Variants in GPRIN2 observed in about 807,000 individuals in gnomAD.
GPRIN2 encodes G protein regulated inducer of neurite outgrowth 2.
A neutral mutation model predicts 0.3 loss-of-function variants in GPRIN2; 1 was observed. The observed-to-expected ratio is 3.90, with a 90% CI of 1.39 to 18.51. The LOEUF (loss-of-function observed/expected upper bound fraction) is 18.51. GPRIN2 is among the 30% of genes most tolerant of loss of function. The pLI is 0.11. For missense variants in GPRIN2, 880 were observed against 604.2 expected, an observed-to-expected ratio of 1.46 and a Z score of -4.79; for synonymous variants, 361 against 258.6, an observed-to-expected ratio of 1.40 and a Z score of -3.80.
rs1832299966 is a variant in GPRIN2 at position 46,550,628 on chromosome 10, G to C, written c.109C>G (p.Pro37Ala). Residue 37 changes from proline (P) to alanine (A), a missense_variant, in exon 3 of 3, where the codon CCA becomes GCA. By Grantham distance (27) the Pro-to-Ala change is conservative (BLOSUM62 -1). Coordinates refer to ENST00000374314, the MANE Select transcript of GPRIN2 (RefSeq NM_001385282.1). ...SLLGEGREQR[P>A]ELRKTASSTV... ...CTGCTGGCAGTCTTGCGGAGCTCTG[G>C]CCTCTGTTCCCGGCCTTCACCCAGC... 1 of 1,578,218 alleles carries C rather than the reference G, an allele frequency of 6.3e-7. No homozygotes were observed. The highest frequency in any genetic ancestry group is 2.3e-5 in the East Asian group (1 of 44,418).
rs1832400012 is a variant in GPRIN2 at position 46,550,345 on chromosome 10, C to T, written c.392G>A (p.Arg131Gln). Residue 131 changes from arginine to glutamine, a missense_variant, in exon 3 of 3, where the codon CGG (arginine) becomes CAG (glutamine). Physicochemically the swap from Arg to Gln is conservative, Grantham distance 43. Transcript: ENST00000374314. ...HSDLVRSTQM[R>Q]GHSGARKASL... The stretch of plus-strand genomic sequence containing the variant: ...GGCCTTCCGAGCACCACTGTGTCCC[C>T]GCATCTGGGTGCTACGGACCAGGTC... 1.6e-5 allele frequency: 25 copies of T among 1,612,812 alleles called. No homozygotes were observed. The highest frequency in any genetic ancestry group is 1.2e-4 in the South Asian group (11 of 91,052).
In GPRIN2 at chr10:46,544,696, T is replaced by C. The variant is rs1188992469; in HGVS notation, c.*4664A>G. 6.6e-6 allele frequency among the ~76,000 whole-genome samples: 1 copy of C among 152,306 alleles called. No individual in the cohort carries two copies. The highest frequency in any genetic ancestry group is 1.5e-5 in the Non-Finnish European group (1 of 68,056). On this transcript the variant is annotated 3_prime_UTR_variant, in exon 3 of 3. Coordinates refer to ENST00000374314, the MANE Select transcript of GPRIN2 (RefSeq NM_001385282.1). ...CCTATTAAACAGAAGTAGGTAAAAG[T>C]TGAGAAAGGGAAGTGGCCACCACAG...
In GPRIN2 at chr10:46,549,428, G is replaced by GC. The variant is rs1842444400; in HGVS notation, c.1308_1309insG (p.Leu437AlafsTer63). Reference sequence around the variant, plus strand: ...CGCAGGGACTGCATGACAGCCCGCAGTGGCCCCCTCCGGCCCTCCACAGAC... The same window carrying GC: ...CGCAGGGACTGCATGACAGCCCGCAGCTGGCCCCCTCCGGCCCTCCACAGAC... On this transcript the variant is annotated frameshift_variant, in exon 3 of 3. Coordinates refer to ENST00000374314, the MANE Select transcript of GPRIN2 (RefSeq NM_001385282.1). LOFTEE classifies it high-confidence loss of function. The GC allele has an allele frequency of 2.3e-5, 36 of 1,583,500 alleles. No individual in the cohort carries two copies. The South Asian group carries it at 3.8e-4, about 17-fold the overall frequency.
rs1841840342 is a variant in GPRIN2, at chr10:46,542,555, T to C, written c.*6805A>G. On this transcript the variant is annotated 3_prime_UTR_variant, in exon 3 of 3. Coordinates refer to ENST00000374314, the MANE Select transcript of GPRIN2 (RefSeq NM_001385282.1). ...TCTCCTTCGCTGTCTGCCATGATTG[T>C]AAGTTTCCTGAGGCTTCCTGTAAGT... Among the ~76,000 whole-genome samples, 1 of 152,302 alleles carries C rather than the reference T, an allele frequency of 6.6e-6. No homozygotes were observed. The highest frequency in any genetic ancestry group is 1.5e-5 in the Non-Finnish European group (1 of 68,056).
rs1842216620 is a variant in GPRIN2, at chr10:46,546,979, A to G, written c.*2381T>C. Among the ~76,000 whole-genome samples the G allele has an allele frequency of 1.3e-5, 2 of 152,312 alleles. No individual in the cohort carries two copies. Among genetic ancestry groups the G allele is most frequent in the Non-Finnish European group, 2.9e-5 (2 of 68,058 alleles). On this transcript the variant is annotated 3_prime_UTR_variant, in exon 3 of 3. Transcript: ENST00000374314. ...CAGCATGGAGGTAGCACAGAGTGGC[A>G]CCCAGCCAGCGTGAATGCATAAGAA...
chr10:46,550,136 G>C lies in GPRIN2; in HGVS notation c.601C>G (p.Leu201Val). ...ASQLSVPPLD[L>V]GDTTAHSSSA... is the part of the protein sequence containing the mutation. Reference sequence around the variant, plus strand: ...CTGCTGTGGGCAGTTGTGTCCCCCAGGTCTAGTGGTGGCACTGACAACTGA... The same window carrying C: ...CTGCTGTGGGCAGTTGTGTCCCCCACGTCTAGTGGTGGCACTGACAACTGA... Residue 201 changes from leucine to valine, a missense_variant, in exon 3 of 3, where the codon CTG becomes GTG. Physicochemically the swap from Leu to Val is conservative, Grantham distance 32. Coordinates refer to ENST00000374314, the MANE Select transcript of GPRIN2 (RefSeq NM_001385282.1). 2 of 1,604,620 alleles carry C rather than the reference G, an allele frequency of 1.2e-6. No homozygotes were observed. The highest frequency in any genetic ancestry group is 1.7e-6 in the Non-Finnish European group (2 of 1,174,850).
rs1833077100 is a variant in GPRIN2 at position 46,541,991 on chromosome 10, C to G, written c.*7369G>C. ...CTTCACAAGAAGCCCTTGCCCATCTCCCTGAATACCCCCAACTCTGAAGAG... is the reference window on the plus strand; with the variant it reads ...CTTCACAAGAAGCCCTTGCCCATCTGCCTGAATACCCCCAACTCTGAAGAG... On this transcript the variant is annotated 3_prime_UTR_variant, in exon 3 of 3. Transcript: ENST00000374314. Among the ~76,000 whole-genome samples the G allele has an allele frequency of 1.3e-5, 2 of 152,420 alleles. No homozygotes were observed. Among genetic ancestry groups the G allele is most frequent in the South Asian group, 4.1e-4 (2 of 4,834 alleles).
rs1476138283 is a variant in GPRIN2 at position 46,547,991 on chromosome 10, C to T, written c.*1369G>A. Among the ~76,000 whole-genome samples the T allele has an allele frequency of 2.0e-5, 3 of 152,306 alleles. No homozygotes were observed. The East Asian group carries it at 5.8e-4, about 29-fold the overall frequency. On this transcript the variant is annotated 3_prime_UTR_variant, in exon 3 of 3. Transcript: ENST00000374314. ...TTTCCACCTCAATGAGTACCAGGTC[C>T]TTGAGGATGGGGAAAAGTAAGCCAC...
rs1023163482 is a variant in GPRIN2 at position 46,541,956 on chromosome 10, G to A, written c.*7404C>T. 6.6e-6 allele frequency among the ~76,000 whole-genome samples: 1 copy of A among 151,960 alleles called. No individual in the cohort carries two copies. The highest frequency in any genetic ancestry group is 6.6e-5 in the Admixed American group (1 of 15,260). On this transcript the variant is annotated 3_prime_UTR_variant, in exon 3 of 3. Transcript: ENST00000374314. Reference sequence around the variant, plus strand: ...GCCCAGGAGGCTTCCACCCCTTCAAGAATTGAAATCTTCACAAGAAGCCCT... The same window carrying A: ...GCCCAGGAGGCTTCCACCCCTTCAAAAATTGAAATCTTCACAAGAAGCCCT...
Position 46,544,246 on chromosome 10 carries a change from A to C in GPRIN2, c.*5114T>G, listed in dbSNP as rs1841965589. ...GCCAGAAACAGCCTTTCATAATACA[A>C]GATGGACAGGAAAGAGGCCAAGGGC... On this transcript the variant is annotated 3_prime_UTR_variant, in exon 3 of 3. Transcript: ENST00000374314. Among the ~76,000 whole-genome samples the C allele has an allele frequency of 1.3e-5, 2 of 152,308 alleles. No individual in the cohort carries two copies. The highest frequency in any genetic ancestry group is 4.1e-4 in the South Asian group (2 of 4,838).
In GPRIN2 at chr10:46,550,163, T is replaced by C. The variant is rs1842477889; in HGVS notation, c.574A>G (p.Ser192Gly). The C allele has an allele frequency of 6.3e-7, 1 of 1,599,264 alleles. No individual in the cohort carries two copies. Among genetic ancestry groups the C allele is most frequent in the Non-Finnish European group, 8.5e-7 (1 of 1,172,216 alleles). Residue 192 changes from serine (S) to glycine (G), a missense_variant, in exon 3 of 3, where the codon AGT (serine) becomes GGT (glycine). Transcript: ENST00000374314. ...TCTAGTGGTGGCACTGACAACTGAC[T>C]CGCCCCCAGCATCCAGGCTGAGTTA... ...TSNSAWMLGASQLSVPPLDLG... is the reference protein window; with the variant it reads ...TSNSAWMLGAGQLSVPPLDLG...
At chr10:46,556,817 C>T (rs1411579923), upstream of GPRIN2, among the ~76,000 whole-genome samples, 2 of 152,278 alleles carry the variant, frequency 1.3e-5, no homozygotes, top group African/African-American at 4.8e-5. Context: ...CCGACCCCTC[C>T]TCAGGCCGGG....
Position 46,550,310 on chromosome 10 carries a change from A to G in GPRIN2, c.427T>C (p.Cys143Arg), listed in dbSNP as rs1842487585. 6.2e-7 allele frequency: 1 copy of G among 1,613,156 alleles called. No homozygotes were observed. Among genetic ancestry groups the G allele is most frequent in the Non-Finnish European group, 8.5e-7 (1 of 1,179,958 alleles). Residue 143 changes from cysteine to arginine, a missense_variant, in exon 3 of 3, where the codon TGC becomes CGC. By Grantham distance (180) the Cys-to-Arg change is radical. Transcript: ENST00000374314. Reference sequence around the variant, plus strand: ...ACAGGGCTGCTGCCAAGGGCTGAGCAGCTGAGACTGGCCTTCCGAGCACCA... The same window carrying G: ...ACAGGGCTGCTGCCAAGGGCTGAGCGGCTGAGACTGGCCTTCCGAGCACCA... ...HSGARKASLS[C>R]SALGSSPVHR...
rs1832819779 is a variant in GPRIN2, at chr10:46,548,123, G to C, written c.*1237C>G. Among the ~76,000 whole-genome samples the C allele has an allele frequency of 6.6e-6, 1 of 152,306 alleles. No homozygotes were observed. Among genetic ancestry groups the C allele is most frequent in the Non-Finnish European group, 1.5e-5 (1 of 68,054 alleles). Reference sequence around the variant, plus strand: ...CTCTGGTCCCTCACACGGGTGGATTGGGGGGCTGTGTCACGGGATCTTAGG... The same window carrying C: ...CTCTGGTCCCTCACACGGGTGGATTCGGGGGCTGTGTCACGGGATCTTAGG... On this transcript the variant is annotated 3_prime_UTR_variant, in exon 3 of 3. Transcript: ENST00000374314.
Position 46,542,730 on chromosome 10 carries a change from A to G in GPRIN2, c.*6630T>C, listed in dbSNP as rs1416083746. Among the ~76,000 whole-genome samples the G allele has an allele frequency of 3.9e-5, 6 of 152,304 alleles. No homozygotes were observed. The highest frequency in any genetic ancestry group is 7.3e-5 in the Non-Finnish European group (5 of 68,052). ...ACAGAAATCTCCTCCTCCAGTCCCTAGCCTTGGCTCTTGGACACGAATCCA... is the reference window on the plus strand; with the variant it reads ...ACAGAAATCTCCTCCTCCAGTCCCTGGCCTTGGCTCTTGGACACGAATCCA... On this transcript the variant is annotated 3_prime_UTR_variant, in exon 3 of 3. Coordinates refer to ENST00000374314, the MANE Select transcript of GPRIN2 (RefSeq NM_001385282.1).
upstream of GPRIN2, among the ~76,000 whole-genome samples, chr10:46,556,753 C>T (rs1428294867): frequency 2.0e-5 from 3 of 152,358 alleles, no homozygotes; most frequent in South Asian, 4.1e-4. Context: ...CTGGAGCCTG[C>T]CACCGCCCCG....
intron 2 of GPRIN2, 58 bp from the exon 3 acceptor site, chr10:46,550,800 A>T (rs1842509881): frequency 6.8e-7 from 1 of 1,473,302 alleles, no homozygotes. Flanking sequence ...ACCTAAGCCG[A>T]TTCTACTATG....
In GPRIN2 at chr10:46,549,514, T is replaced by G. The variant is rs1832693181; in HGVS notation, c.1223A>C (p.Gln408Pro). 5.5e-5 allele frequency: 88 copies of G among 1,612,832 alleles called. No homozygotes were observed. The highest frequency in any genetic ancestry group is 7.1e-5 in the Non-Finnish European group (84 of 1,179,200). ...VDLEVLGVAIQKHLEMQFEQL... is the reference protein window; with the variant it reads ...VDLEVLGVAIPKHLEMQFEQL... ...CTCAAACTGCATCTCCAGGTGCTTC[T>G]GGATGGCCACACCGAGCACCTCCAG... is the stretch of plus-strand genomic sequence containing the variant. The change falls in exon 3 of 3, where the codon CAG becomes CCG. Residue 408 changes from glutamine to proline, a missense_variant. By Grantham distance (76) the Gln-to-Pro change is moderately conservative. Coordinates refer to ENST00000374314, the MANE Select transcript of GPRIN2 (RefSeq NM_001385282.1).
intron 2 of GPRIN2, among the ~76,000 whole-genome samples, chr10:46,552,671 T>C (rs1336821552): frequency 6.6e-6 from 1 of 152,312 alleles, no homozygotes; most frequent in Non-Finnish European, 1.5e-5. Context: ...TAGGCACCAA[T>C]GGCATGTGGG....
Sources: gnomAD v4.1 joint callset for allele counts (sites outside exome capture counted in the v4.1 genomes callset) on GRCh38, gnomAD v4.1.1 for gene constraint, MANE v1.5 for transcripts, NCBI Gene and HGNC (gene_info 2026-07-23, HGNC 2026-07-21) for gene names.